The following TBC1D5 variants were observed in gnomAD, a reference collection of about 807,000 sequenced individuals.
TBC1D5 encodes the protein TBC1 domain family, member 5.
Under a neutral mutation model 100.3 loss-of-function variants are expected in TBC1D5, and 75 were observed. The ratio of observed to expected loss-of-function variants is 0.75; its 90% CI spans 0.62 to 0.91. The LOEUF (loss-of-function observed/expected upper bound fraction) is 0.91, where lower values mean the gene tolerates loss of function less well. Ranked by LOEUF, TBC1D5 falls within the 40% of genes least tolerant of loss-of-function variation. The pLI is 0.00. For synonymous variants in TBC1D5, 323 were observed against 325.6 expected, an observed-to-expected ratio of 0.99 and a Z score of 0.09; for missense variants, 910 against 942.4, an observed-to-expected ratio of 0.97 and a Z score of 0.45.
intron 16 of TBC1D5, 142 bp downstream of exon 16, chr3:17,258,364 C>G (rs2077933132): frequency 1.3e-6 from 1 of 766,852 alleles, no homozygotes; most frequent in African/African-American, 1.8e-5. Flanking sequence ...TTTAAAATAA[C>G]TTGGGTAATT....
At chr3:17,451,899 G>A (rs571799167) in intron 3 of TBC1D5, among the ~76,000 whole-genome samples, 6 of 151,866 alleles carry the variant, frequency 4.0e-5, no homozygotes, top group Admixed American at 3.9e-4. Flanking sequence ...CTCCAGCCTG[G>A]GCAACAAAGC....
chr3:17,700,859 G>C (rs529542836), intron 1 of TBC1D5, among the ~76,000 whole-genome samples: 37 of 152,218 alleles, frequency 2.4e-4, no homozygotes, highest in Admixed American at 4.6e-4. Flanking sequence ...TGGAGAAATA[G>C]GAACACTTTT....
chr3:17,508,382 TCA>T, intron 3 of TBC1D5, 90 bp downstream of exon 3: 1 of 938,288 alleles, frequency 1.1e-6, no homozygotes, highest in Non-Finnish European at 1.7e-6. Flanking sequence ...CAAAATGTGT[TCA>T]CACACATAAG....
intron 8 of TBC1D5, among the ~76,000 whole-genome samples, chr3:17,387,127 G>A (rs971298447): frequency 6.6e-6 from 1 of 152,106 alleles, no homozygotes; most frequent in East Asian, 1.9e-4. Flanking sequence ...CATCGAATAA[G>A]TAAGGTAGAA....
chr3:17,294,251 G>A (rs2082036215), intron 14 of TBC1D5, among the ~76,000 whole-genome samples: 1 of 151,956 alleles, frequency 6.6e-6, no homozygotes, highest in Non-Finnish European at 1.5e-5. Flanking sequence ...ACAGGGTCTT[G>A]CTCTGTCACC....
At chr3:17,216,004 C>A (rs1307682737) in intron 17 of TBC1D5, among the ~76,000 whole-genome samples, 3 of 152,042 alleles carry the variant, frequency 2.0e-5, no homozygotes. Flanking sequence ...GAGTGCAGAA[C>A]CTAGGGGTAA....
intron 2 of TBC1D5, among the ~76,000 whole-genome samples, chr3:17,591,625 ACAGTGGGTC>A (rs1352241814): frequency 2.0e-5 from 3 of 152,164 alleles, no homozygotes; most frequent in African/African-American, 7.2e-5. Flanking sequence ...AGTCCGACCT[ACAGTGGGTC>A]CAGTGGGTCC....
At chr3:17,654,966 C>G (rs2065915984) in intron 1 of TBC1D5, among the ~76,000 whole-genome samples, 1 of 151,824 alleles carries the variant, frequency 6.6e-6, no homozygotes, top group Non-Finnish European at 1.5e-5. Flanking sequence ...TTGTAGTATT[C>G]TCTGATGGTA....
chr3:17,217,188 G>A (rs1419436192), intron 17 of TBC1D5, among the ~76,000 whole-genome samples: 2 of 152,076 alleles, frequency 1.3e-5, no homozygotes, highest in Non-Finnish European at 2.9e-5. Flanking sequence ...GTTCATCTAT[G>A]TTATAGCATG....
chr3:17,525,394 G>T (rs2096121225), intron 2 of TBC1D5, among the ~76,000 whole-genome samples: 1 of 152,134 alleles, frequency 6.6e-6, no homozygotes, highest in African/African-American at 2.4e-5. Flanking sequence ...GCCTCCCAAA[G>T]TGCTGGGATT....
intron 3 of TBC1D5, among the ~76,000 whole-genome samples, chr3:17,484,906 C>T (rs1329856328): frequency 6.6e-6 from 1 of 152,130 alleles, no homozygotes; most frequent in Non-Finnish European, 1.5e-5. Flanking sequence ...AACCCACATT[C>T]ACTCTACTTG....
intron 13 of TBC1D5, among the ~76,000 whole-genome samples, chr3:17,357,061 T>C (rs1404437047): frequency 2.0e-5 from 3 of 152,106 alleles, no homozygotes; most frequent in Admixed American, 2.0e-4. Flanking sequence ...CTACCAAACT[T>C]AAAAAAACTC....
chr3:17,670,023 T>C (rs1308593633), intron 1 of TBC1D5, among the ~76,000 whole-genome samples: 1 of 152,140 alleles, frequency 6.6e-6, no homozygotes, highest in Admixed American at 6.5e-5. Context: ...ATAGCTGGGA[T>C]TACAGGCGCA....
At chr3:17,507,090 A>G (rs1417718060) in intron 3 of TBC1D5, among the ~76,000 whole-genome samples, 1 of 152,240 alleles carries the variant, frequency 6.6e-6, no homozygotes, top group Non-Finnish European at 1.5e-5. Flanking sequence ...ATAGTATGAA[A>G]TATTTTGGTG....
At chr3:17,590,510 ATCTAC>A (rs2096760025) in intron 2 of TBC1D5, among the ~76,000 whole-genome samples, 1 of 152,186 alleles carries the variant, frequency 6.6e-6, no homozygotes, top group Non-Finnish European at 1.5e-5. Context: ...GTCACTTTAG[ATCTAC>A]TCATCCCAAC....
intron 17 of TBC1D5, among the ~76,000 whole-genome samples, chr3:17,216,838 T>C (rs962831368): frequency 1.3e-5 from 2 of 152,196 alleles, no homozygotes; most frequent in African/African-American, 4.8e-5. Flanking sequence ...GAATACACTT[T>C]CATTATAAAC....
At chr3:17,719,818 G>T (rs1330142943) in intron 1 of TBC1D5, among the ~76,000 whole-genome samples, 1 of 152,022 alleles carries the variant, frequency 6.6e-6, no homozygotes, top group African/African-American at 2.4e-5. Flanking sequence ...CTCAAAATAG[G>T]AAATACAAAG....
At chr3:17,612,954 T>C (rs1245996642) in intron 2 of TBC1D5, among the ~76,000 whole-genome samples, 3 of 151,892 alleles carry the variant, frequency 2.0e-5, no homozygotes, top group African/African-American at 7.3e-5. Context: ...GTTACATATG[T>C]ATACATGTGC....
At chr3:17,254,175 T>C (rs2077422532) in intron 16 of TBC1D5, among the ~76,000 whole-genome samples, 1 of 152,266 alleles carries the variant, frequency 6.6e-6, no homozygotes, top group South Asian at 2.1e-4. Context: ...ATATTCTGTT[T>C]CAATGTTGTT....
Sources: gnomAD v4.1 joint callset for allele counts (sites outside exome capture counted in the v4.1 genomes callset) on GRCh38, gnomAD v4.1.1 for gene constraint, MANE v1.5 for transcripts, NCBI Gene and HGNC (gene_info 2026-07-23, HGNC 2026-07-21) for gene names.